Variants in CDH13 observed in about 807,000 individuals in gnomAD.
CDH13 encodes the protein cadherin 13.
In CDH13, 24 loss-of-function variants were observed where a neutral mutation model predicts 63.8. That is an observed-to-expected ratio of 0.38 (90% CI 0.27 to 0.53). CDH13 has a LOEUF of 0.53. Ranked by LOEUF, CDH13 falls within the 20% of genes least tolerant of loss-of-function variation. CDH13 has a pLI of 0.85. For missense variants in CDH13, 1,049 were observed against 903.1 expected, an observed-to-expected ratio of 1.16 and a Z score of -2.07; for synonymous variants, 503 against 355.3, an observed-to-expected ratio of 1.42 and a Z score of -4.67.
At chr16:82,844,283 G>C (rs1459525782) in intron 1 of CDH13, among the ~76,000 whole-genome samples, 7 of 152,122 alleles carry the variant, frequency 4.6e-5, no homozygotes, top group African/African-American at 1.7e-4. Flanking sequence ...AGATGACCTA[G>C]CTGGAGAAAA....
At chr16:82,860,078 G>C (rs1442989923) in intron 2 of CDH13, among the ~76,000 whole-genome samples, 6 of 151,988 alleles carry the variant, frequency 3.9e-5, no homozygotes, top group Non-Finnish European at 7.4e-5. Context: ...AACTTGATTT[G>C]TGAGAACCAT....
intron 8 of CDH13, among the ~76,000 whole-genome samples, chr16:83,612,005 G>C (rs1417157025): frequency 6.6e-6 from 1 of 151,906 alleles, no homozygotes; most frequent in Non-Finnish European, 1.5e-5. Flanking sequence ...GTTTAGTATC[G>C]TGATCTATAT....
chr16:82,702,230 C>G (rs1170463278), intron 1 of CDH13, among the ~76,000 whole-genome samples: 1 of 152,142 alleles, frequency 6.6e-6, no homozygotes, highest in East Asian at 1.9e-4. Flanking sequence ...AAACGCAGCT[C>G]AAATGCCTTC....
chr16:83,375,458 T>C (rs2091443531), intron 6 of CDH13, among the ~76,000 whole-genome samples: 1 of 152,212 alleles, frequency 6.6e-6, no homozygotes, highest in African/African-American at 2.4e-5. Context: ...TGACATCTTA[T>C]GAGTATCTGT....
chr16:82,667,401 G>A (rs537732980), intron 1 of CDH13, among the ~76,000 whole-genome samples: 1 of 152,326 alleles, frequency 6.6e-6, no homozygotes, highest in African/African-American at 2.4e-5. Context: ...TTGTCCCTGA[G>A]AAGCCTGCCT....
chr16:82,866,542 C>A (rs1597844753), intron 2 of CDH13, among the ~76,000 whole-genome samples: 1 of 151,830 alleles, frequency 6.6e-6, no homozygotes, highest in Non-Finnish European at 1.5e-5. Flanking sequence ...GCATGAGCCA[C>A]CATGCCTGGC....
At chr16:82,992,261 T>C (rs1911743113) in intron 2 of CDH13, among the ~76,000 whole-genome samples, 2 of 152,178 alleles carry the variant, frequency 1.3e-5, no homozygotes, top group African/African-American at 4.8e-5. Flanking sequence ...AATGAAGAGC[T>C]TGGCCTGAAA....
chr16:82,871,835 A>G (rs1447196853), intron 2 of CDH13, among the ~76,000 whole-genome samples: 1 of 152,134 alleles, frequency 6.6e-6, no homozygotes, highest in Non-Finnish European at 1.5e-5. Flanking sequence ...TCACTCTCAG[A>G]GGGTTTCCCT....
intron 8 of CDH13, among the ~76,000 whole-genome samples, chr16:83,653,034 A>C (rs1436645940): frequency 6.6e-6 from 1 of 152,194 alleles, no homozygotes; most frequent in Non-Finnish European, 1.5e-5. Flanking sequence ...ATGTTCAGTG[A>C]AAAAAGTCAG....
At chr16:83,415,581 T>C (rs916651734) in intron 6 of CDH13, among the ~76,000 whole-genome samples, 2 of 152,170 alleles carry the variant, frequency 1.3e-5, no homozygotes, top group African/African-American at 4.8e-5. Flanking sequence ...CAAGTGTGCA[T>C]GGGAGTCAGG....
Position 82,686,297 on chromosome 16 carries a change from C to G in CDH13, c.45+59160C>G, listed in dbSNP as rs550338743. ...GGAAGTCACCTTAGCAGTGGTAGAT[C>G]TTTGAATTCGTCTCCTCCTGGTTCT... On this transcript the variant is annotated intron_variant, in intron 1 of 13. Coordinates refer to ENST00000567109, the MANE Select transcript of CDH13 (RefSeq NM_001257.5). Among the ~76,000 whole-genome samples, 15 of 152,276 alleles carry G rather than the reference C, an allele frequency of 9.9e-5. 1 individual carries two copies. The South Asian group carries it at 2.7e-3, about 27-fold the overall frequency.
chr16:83,703,371 A>G (rs1177724728), intron 10 of CDH13, among the ~76,000 whole-genome samples: 1 of 152,258 alleles, frequency 6.6e-6, no homozygotes, highest in African/African-American at 2.4e-5. Flanking sequence ...GCAAAAAGTT[A>G]GAAAACAGCC....
Position 83,379,938 on chromosome 16 carries a change from T to TAGAGAGAGAGAGAGAG in CDH13, c.781+34946_781+34961dup, listed in dbSNP as rs71148831. ...GTGTGTGTATATATATATATATATA[T>TAGAGAGAGAGAGAGAG]AGAGAGAGAGAGAGAGAGAGAGAGA... On this transcript the variant is annotated intron_variant, in intron 6 of 13. Coordinates refer to ENST00000567109, the MANE Select transcript of CDH13 (RefSeq NM_001257.5). 2.4e-4 allele frequency among the ~76,000 whole-genome samples: 30 copies of TAGAGAGAGAGAGAGAG among 123,450 alleles called. 1 individual carries two copies. The highest frequency in any genetic ancestry group is 4.2e-4 in the African/African-American group (13 of 30,730). The allele number at this position is 123,450 out of a possible 152,430, so 81.0% of individuals were successfully genotyped here.
At chr16:83,094,101 C>G (rs13380542) in intron 3 of CDH13, among the ~76,000 whole-genome samples, 7 of 152,130 alleles carry the variant, frequency 4.6e-5, no homozygotes, top group African/African-American at 7.2e-5. Flanking sequence ...GCAATTAATC[C>G]TCATTGTTGT....
At chr16:82,821,705 A>G (rs958837042) in intron 1 of CDH13, among the ~76,000 whole-genome samples, 6 of 152,248 alleles carry the variant, frequency 3.9e-5, no homozygotes, top group African/African-American at 7.2e-5. Context: ...ACCTTAAACA[A>G]TAAAGGACTA....
intron 11 of CDH13, among the ~76,000 whole-genome samples, chr16:83,753,037 T>C (rs1483274260): frequency 1.3e-5 from 2 of 152,160 alleles, no homozygotes; most frequent in African/African-American, 2.4e-5. Context: ...AAAGGTGTAA[T>C]GGTAAATAGA....
intron 11 of CDH13, among the ~76,000 whole-genome samples, chr16:83,759,389 T>C (rs1038270509): frequency 6.6e-6 from 1 of 152,158 alleles, no homozygotes; most frequent in African/African-American, 2.4e-5. Context: ...TATACAATAA[T>C]TAATTCTAGA....
At chr16:83,131,666 A>G (rs2036058352) in intron 4 of CDH13, among the ~76,000 whole-genome samples, 1 of 152,196 alleles carries the variant, frequency 6.6e-6, no homozygotes, top group Non-Finnish European at 1.5e-5. Flanking sequence ...TCTGTTTTAT[A>G]TTAAGTTTGA....
chr16:83,056,538 C>T (rs1056086084), intron 3 of CDH13, among the ~76,000 whole-genome samples: 2 of 151,832 alleles, frequency 1.3e-5, no homozygotes, highest in African/African-American at 4.8e-5. Flanking sequence ...ATGAAAGAAG[C>T]CAGATAGGGA....
Sources: gnomAD v4.1 joint callset for allele counts (sites outside exome capture counted in the v4.1 genomes callset) on GRCh38, gnomAD v4.1.1 for gene constraint, MANE v1.5 for transcripts, NCBI Gene and HGNC (gene_info 2026-07-23, HGNC 2026-07-21) for gene names.